Variants in CDKL4 observed in about 807,000 individuals in gnomAD.
CDKL4 encodes cyclin-dependent kinase-like 4.
A neutral mutation model predicts 42.0 loss-of-function variants in CDKL4; 44 were observed. The ratio of observed to expected loss-of-function variants is 1.05; its 90% CI spans 0.82 to 1.35. CDKL4 has a LOEUF of 1.35. Ranked by LOEUF, CDKL4 falls within the 40% of genes most tolerant of loss-of-function variation. CDKL4 has a pLI of 0.00. For missense variants in CDKL4, 393 were observed against 369.9 expected (o/e 1.06, Z -0.51); for synonymous variants, 120 against 121.6 (o/e 0.99, Z 0.09).
chr2:39,184,034 A>C (rs1334637314), intron 8 of CDKL4, among the ~76,000 whole-genome samples: 1 of 152,220 alleles, frequency 6.6e-6, no homozygotes, highest in Non-Finnish European at 1.5e-5. Context: ...CCCACTCATG[A>C]AAATTCCCCT....
chr2:39,212,234 AT>A (rs34797813), intron 4 of CDKL4, among the ~76,000 whole-genome samples: 4,048 of 141,354 alleles, frequency 0.029, 46 homozygotes, highest in Middle Eastern at 0.037. Context: ...AAATTAATGA[AT>A]TTTTTTTTTT....
At chr2:39,200,786 A>G (rs1676796909) in intron 5 of CDKL4, among the ~76,000 whole-genome samples, 1 of 152,210 alleles carries the variant, frequency 6.6e-6, no homozygotes, top group Non-Finnish European at 1.5e-5. Context: ...GGCAAGCCAC[A>G]TGTAGAAGAA....
At chr2:39,211,088 T>G (rs1470913185) in intron 4 of CDKL4, among the ~76,000 whole-genome samples, 3 of 152,130 alleles carry the variant, frequency 2.0e-5, no homozygotes, top group Non-Finnish European at 2.9e-5. Flanking sequence ...AGGCACCAAC[T>G]CAAAAGGGCT....
intron 7 of CDKL4, 122 bp from the exon 8 acceptor site, chr2:39,184,769 C>G: frequency 1.5e-6 from 1 of 646,552 alleles, no homozygotes; most frequent in Non-Finnish European, 2.7e-6. Context: ...CTGTCTCCCT[C>G]TATCTCCCAG....
chr2:39,229,987 C>T (rs930598129), intron 1 of CDKL4, among the ~76,000 whole-genome samples: 1 of 152,208 alleles, frequency 6.6e-6, no homozygotes, highest in African/African-American at 2.4e-5. Flanking sequence ...TACACAATGA[C>T]TAGGAGGAGT....
chr2:39,182,876 C>T (rs972468574), intron 8 of CDKL4, among the ~76,000 whole-genome samples: 3 of 152,214 alleles, frequency 2.0e-5, no homozygotes, highest in Non-Finnish European at 4.4e-5. Context: ...CACCACTCTC[C>T]TTGACTCTGC....
intron 2 of CDKL4, among the ~76,000 whole-genome samples, chr2:39,226,477 A>AT (rs1288955376): frequency 3.6e-4 from 9 of 25,210 alleles, no homozygotes; most frequent in South Asian, 2.0e-3. Flanking sequence ...ATATATATAT[A>AT]ATATATATTA....
chr2:39,201,654 T>C (rs1044342423), intron 5 of CDKL4, among the ~76,000 whole-genome samples: 17 of 152,080 alleles, frequency 1.1e-4, no homozygotes, highest in African/African-American at 4.1e-4. Context: ...AGGAACAAAA[T>C]AATGGCATTT....
Position 39,213,895 on chromosome 2 carries a change from TTTTGTTTTGTTTTGTTTTG to T in CDKL4, c.291-442_291-424del, listed in dbSNP as rs1312278054. On this transcript the variant is annotated intron_variant, in intron 3 of 9. Coordinates refer to ENST00000451199, the Ensembl canonical transcript of CDKL4. ...CCTGTCTCTCTCTGTACTTTTTTTG[TTTTGTTTTGTTTTGTTTTG>T]TTTTGTTTTGTTTTGTTTTTTGAGA... 9.2e-3 allele frequency among the ~76,000 whole-genome samples: 1,145 copies of T among 124,050 alleles called. 14 individuals are homozygous for T. Among genetic ancestry groups the T allele is most frequent in the African/African-American group, 0.036 (1,096 of 30,322 alleles). The allele number at this position is 124,050 out of a possible 152,430, so 81.4% of individuals were successfully genotyped here. A position where few individuals can be genotyped will look rare whatever the true frequency, so the allele number is the denominator to read the frequency against.
intron 1 of CDKL4, among the ~76,000 whole-genome samples, chr2:39,234,211 C>T (rs532532626): frequency 6.6e-6 from 1 of 152,116 alleles, no homozygotes; most frequent in South Asian, 2.1e-4. Context: ...CTGCACCCGG[C>T]CTATATTTTC....
chr2:39,225,046 G>C (rs954716516), intron 3 of CDKL4, among the ~76,000 whole-genome samples: 2 of 152,088 alleles, frequency 1.3e-5, no homozygotes, highest in Non-Finnish European at 2.9e-5. Flanking sequence ...CATTATAGTG[G>C]TGACAGCTGA....
At chr2:39,210,704 A>C (rs1385347071) in intron 4 of CDKL4, among the ~76,000 whole-genome samples, 2 of 152,194 alleles carry the variant, frequency 1.3e-5, no homozygotes, top group Middle Eastern at 3.2e-3. Context: ...AATCATTTTA[A>C]CTACCCATAA....
chr2:39,198,434 A>G (rs1186942325), intron 5 of CDKL4, among the ~76,000 whole-genome samples: 3 of 152,118 alleles, frequency 2.0e-5, no homozygotes, highest in Admixed American at 2.0e-4. Flanking sequence ...ACAGGTCATC[A>G]AGACAGAAAG....
intron 8 of CDKL4, among the ~76,000 whole-genome samples, chr2:39,181,530 T>C (rs1413196565): frequency 6.6e-6 from 1 of 152,124 alleles, no homozygotes; most frequent in Non-Finnish European, 1.5e-5. Context: ...GGTTGAGTTG[T>C]ATCGCCGCAA....
intron 5 of CDKL4, among the ~76,000 whole-genome samples, chr2:39,196,383 G>C (rs1350349987): frequency 6.6e-6 from 1 of 152,142 alleles, no homozygotes; most frequent in African/African-American, 2.4e-5. Flanking sequence ...CCAGAGCCTG[G>C]TAGCTTCTCT....
At chr2:39,234,678 A>G (rs913736611) in intron 1 of CDKL4, among the ~76,000 whole-genome samples, 3 of 152,216 alleles carry the variant, frequency 2.0e-5, no homozygotes, top group African/African-American at 7.2e-5. Context: ...TAAAACAATC[A>G]AAGATAAAGA....
intron 3 of CDKL4, among the ~76,000 whole-genome samples, chr2:39,215,296 A>G (rs1400767789): frequency 6.6e-6 from 1 of 152,120 alleles, no homozygotes; most frequent in African/African-American, 2.4e-5. Context: ...CTTTTGTGTA[A>G]TTCCATTTTA....
rs561754911 is a variant in CDKL4, at chr2:39,211,038, T to C, written c.363+2362A>G. Among the ~76,000 whole-genome samples the C allele has an allele frequency of 3.9e-5, 6 of 152,302 alleles. No homozygotes were observed. In the East Asian group the frequency reaches 1.2e-3, roughly 29 times the overall value. Reference sequence around the variant, plus strand: ...ATTCTGCTGGCATCAAAACTGACCATATGGTACTCTGTATCATTGCCTCAG... The same window carrying C: ...ATTCTGCTGGCATCAAAACTGACCACATGGTACTCTGTATCATTGCCTCAG... On this transcript the variant is annotated intron_variant, in intron 4 of 9. Transcript: ENST00000451199.
At chr2:39,188,389 C>T (rs572619683) in intron 6 of CDKL4, among the ~76,000 whole-genome samples, 4 of 151,618 alleles carry the variant, frequency 2.6e-5, no homozygotes, top group Admixed American at 6.6e-5. Flanking sequence ...GGTGAAACCC[C>T]GTCTCTACTA....
Sources: allele counts gnomAD v4.1 joint callset (sites outside exome capture counted in the v4.1 genomes callset), GRCh38; gene constraint gnomAD v4.1.1; transcripts MANE v1.5; gene names NCBI Gene and HGNC (gene_info 2026-07-23, HGNC 2026-07-21).